CTNND2: variants seen among roughly 807,000 people sequenced by gnomAD.
CTNND2 encodes the protein catenin delta 2, also known as catenin delta-2.
CTNND2 carries 22 observed loss-of-function variants against 144.4 expected under a neutral mutation model. The ratio of observed to expected loss-of-function variants is 0.15; its 90% confidence interval spans 0.11 to 0.22. The LOEUF is 0.22. Ranked by LOEUF, CTNND2 falls within the 10% of genes least tolerant of loss-of-function variation. CTNND2 has a pLI of 1.00. For missense variants in CTNND2, 1,353 were observed against 1,618.8 expected (o/e 0.84, Z 2.82); for synonymous variants, 751 against 695.6 (o/e 1.08, Z -1.25).
At chr5:11,485,364 T>C (rs980440562) in intron 3 of CTNND2, among the ~76,000 whole-genome samples, 2 of 126,262 alleles carry the variant, frequency 1.6e-5, no homozygotes, top group African/African-American at 5.3e-5. Context: ...TGTGTGTGTG[T>C]GTGTGTGTGT....
chr5:11,029,219 A>G (rs983746274), intron 16 of CTNND2, among the ~76,000 whole-genome samples: 11 of 152,202 alleles, frequency 7.2e-5, no homozygotes, highest in Non-Finnish European at 1.2e-4. Flanking sequence ...TAATTGCATC[A>G]TATTTTTTTA....
At chr5:11,441,189 G>A (rs903968374) in intron 3 of CTNND2, among the ~76,000 whole-genome samples, 1 of 151,984 alleles carries the variant, frequency 6.6e-6, no homozygotes, top group Non-Finnish European at 1.5e-5. Context: ...CACAGCATTA[G>A]TACCAAATAC....
rs1221966732 is a variant in CTNND2, at chr5:11,375,285, CCTAA to C, written c.1177+9376_1177+9379del. ...TCATAACTCCAGAAGAAAAAGACAC[CCTAA>C]CTCTCAACATAATTTAGAGGGAGGA... On this transcript the variant is annotated intron_variant, in intron 7 of 21. Coordinates refer to ENST00000304623, the MANE Select transcript of CTNND2 (RefSeq NM_001332.4). Among the ~76,000 whole-genome samples the C allele has an allele frequency of 2.6e-5, 4 of 152,156 alleles. 1 individual carries two copies. Among genetic ancestry groups the C allele is most frequent in the South Asian group, 2.1e-4 (1 of 4,834 alleles).
chr5:11,217,145 A>G (rs551999694), intron 10 of CTNND2, among the ~76,000 whole-genome samples: 2 of 152,354 alleles, frequency 1.3e-5, no homozygotes, highest in South Asian at 2.1e-4. Context: ...CTCTTTTCAG[A>G]TAATTTCAAT....
At chr5:11,492,938 T>C (rs1172662890) in intron 3 of CTNND2, among the ~76,000 whole-genome samples, 1 of 151,628 alleles carries the variant, frequency 6.6e-6, no homozygotes, top group Non-Finnish European at 1.5e-5. Context: ...TAGGTAGGGT[T>C]GTGGGTGCCT....
intron 12 of CTNND2, among the ~76,000 whole-genome samples, chr5:11,133,750 T>A (rs541905696): frequency 6.6e-6 from 1 of 152,368 alleles, no homozygotes; most frequent in East Asian, 1.9e-4. Flanking sequence ...TGCAAGTTTA[T>A]GCACAGGTCT....
chr5:11,548,100 G>A (rs528836576), intron 3 of CTNND2, among the ~76,000 whole-genome samples: 15 of 152,264 alleles, frequency 9.9e-5, no homozygotes, highest in Non-Finnish European at 2.1e-4. Context: ...GACACCATGG[G>A]CAAATCTGCA....
intron 1 of CTNND2, among the ~76,000 whole-genome samples, chr5:11,768,255 C>T (rs1452058362): frequency 3.4e-5 from 5 of 148,246 alleles, no homozygotes; most frequent in African/African-American, 1.3e-4. Flanking sequence ...GAGAGTCTCT[C>T]TCCCACTCAG....
chr5:11,860,719 C>G (rs1795460487), intron 1 of CTNND2, among the ~76,000 whole-genome samples: 1 of 152,098 alleles, frequency 6.6e-6, no homozygotes, highest in Non-Finnish European at 1.5e-5. Flanking sequence ...TACTTTTATT[C>G]AAGCAGTGAC....
chr5:11,623,542 C>A (rs1224479375), intron 2 of CTNND2, among the ~76,000 whole-genome samples: 1 of 151,802 alleles, frequency 6.6e-6, no homozygotes, highest in African/African-American at 2.4e-5. Flanking sequence ...ATTACCCAGT[C>A]TTGGGTTTGC....
chr5:11,303,659 C>T (rs1159047119), intron 9 of CTNND2, among the ~76,000 whole-genome samples: 1 of 152,122 alleles, frequency 6.6e-6, no homozygotes, highest in Non-Finnish European at 1.5e-5. Flanking sequence ...ATAGATTTCT[C>T]CTGGTGCTTT....
intron 10 of CTNND2, among the ~76,000 whole-genome samples, chr5:11,209,084 T>TCGGTAAGGGCCTGGGCCTGGGCCTGCACG (rs1738351591): frequency 6.6e-6 from 1 of 152,204 alleles, no homozygotes; most frequent in African/African-American, 2.4e-5. Flanking sequence ...AGAAATGCTC[T>TCGGTAAGGGCCTGGGCCTGGGCCTGCACG]GTTCATGAAT....
chr5:11,316,615 A>G (rs1751527167), intron 9 of CTNND2, among the ~76,000 whole-genome samples: 2 of 151,592 alleles, frequency 1.3e-5, no homozygotes, highest in Non-Finnish European at 1.5e-5. Context: ...AGCATTAGGT[A>G]TATCTTCCAA....
chr5:11,765,814 A>G (rs1468309017), intron 1 of CTNND2, among the ~76,000 whole-genome samples: 3 of 152,216 alleles, frequency 2.0e-5, no homozygotes, highest in Non-Finnish European at 4.4e-5. Context: ...AACAAATCAA[A>G]TAATTTGTTA....
intron 1 of CTNND2, among the ~76,000 whole-genome samples, chr5:11,849,010 G>C (rs1469942213): frequency 6.6e-6 from 1 of 152,060 alleles, no homozygotes. Context: ...GAAGAAAGCA[G>C]AACTAATAGA....
intron 2 of CTNND2, among the ~76,000 whole-genome samples, chr5:11,627,273 C>T (rs1358160975): frequency 6.6e-6 from 1 of 152,122 alleles, no homozygotes; most frequent in Non-Finnish European, 1.5e-5. Flanking sequence ...TTCTTCAAGA[C>T]CTATCCAGAT....
At chr5:11,493,536 T>C (rs892817429) in intron 3 of CTNND2, among the ~76,000 whole-genome samples, 7 of 152,238 alleles carry the variant, frequency 4.6e-5, no homozygotes, top group African/African-American at 7.2e-5. Context: ...AATGGCATCT[T>C]CTTATCTATA....
At chr5:11,899,601 C>T (rs1484201156) in intron 1 of CTNND2, among the ~76,000 whole-genome samples, 1 of 152,014 alleles carries the variant, frequency 6.6e-6, no homozygotes, top group Non-Finnish European at 1.5e-5. Flanking sequence ...AGGATGGTAA[C>T]CTAGATAACC....
intron 9 of CTNND2, among the ~76,000 whole-genome samples, chr5:11,329,034 C>T (rs2149712525): frequency 6.6e-6 from 1 of 152,314 alleles, no homozygotes; most frequent in Admixed American, 6.5e-5. Flanking sequence ...TGAACAAATT[C>T]CCACTGTCCT....
Sources: gnomAD v4.1 joint callset for allele counts (sites outside exome capture counted in the v4.1 genomes callset) on GRCh38, gnomAD v4.1.1 for gene constraint, MANE v1.5 for transcripts, NCBI Gene and HGNC (gene_info 2026-07-23, HGNC 2026-07-21) for gene names.